NEGR1: variants seen among roughly 807,000 people sequenced by gnomAD.
NEGR1 encodes IgLON family member 4.
In NEGR1, 10 loss-of-function variants were observed where a neutral mutation model predicts 40.9. The ratio of observed to expected loss-of-function variants is 0.24; its 90% CI spans 0.15 to 0.42. The LOEUF (loss-of-function observed/expected upper bound fraction) is 0.42, where lower values mean the gene tolerates loss of function less well. Among genes scored for constraint, NEGR1 ranks in the 10% least tolerant of loss-of-function variants. The probability of loss-of-function intolerance (pLI) is 1.00; values close to 1 mark genes in which losing one functional copy is unlikely to be tolerated. For synonymous variants in NEGR1, 185 were observed against 166.8 expected (o/e 1.11, Z -0.84); for missense variants, 352 against 438.9 (o/e 0.80, Z 1.77).
chr1:71,874,659 G>A (rs968136769), intron 2 of NEGR1, among the ~76,000 whole-genome samples: 4 of 152,156 alleles, frequency 2.6e-5, no homozygotes, highest in Non-Finnish European at 4.4e-5. Flanking sequence ...TTTCACTGAA[G>A]TGGGTTGAAG....
At chr1:71,409,837 C>T (rs563164804) in intron 6 of NEGR1, among the ~76,000 whole-genome samples, 1 of 152,062 alleles carries the variant, frequency 6.6e-6, no homozygotes, top group East Asian at 1.9e-4. Context: ...AAAATGGAAT[C>T]TTTTCTGAAG....
At chr1:72,168,830 G>T (rs997096747) in intron 1 of NEGR1, among the ~76,000 whole-genome samples, 7 of 152,134 alleles carry the variant, frequency 4.6e-5, no homozygotes, top group Admixed American at 3.9e-4. Flanking sequence ...AGTTCAAGAG[G>T]CAGAGGCTGC....
intron 6 of NEGR1, among the ~76,000 whole-genome samples, chr1:71,464,041 G>A (rs1385839552): frequency 6.6e-6 from 1 of 152,126 alleles, no homozygotes; most frequent in African/African-American, 2.4e-5. Context: ...GGATGCTGCT[G>A]TTACTTTAAT....
chr1:71,883,306 A>T (rs1660630404), intron 2 of NEGR1, among the ~76,000 whole-genome samples: 1 of 152,146 alleles, frequency 6.6e-6, no homozygotes, highest in Non-Finnish European at 1.5e-5. Context: ...TTTCCTCTAG[A>T]TTGAAATACC....
At chr1:72,190,084 A>G (rs1652764937) in intron 1 of NEGR1, among the ~76,000 whole-genome samples, 1 of 151,576 alleles carries the variant, frequency 6.6e-6, no homozygotes, top group Non-Finnish European at 1.5e-5. Flanking sequence ...AACAGGGAAA[A>G]ATATTGGCAT....
chr1:71,915,065 C>T (rs562678787), intron 2 of NEGR1, among the ~76,000 whole-genome samples: 2 of 152,126 alleles, frequency 1.3e-5, no homozygotes, highest in South Asian at 4.1e-4. Context: ...CAATTAGTCT[C>T]TCATTACGAC....
At chr1:72,022,492 A>G (rs2100422837) in intron 1 of NEGR1, among the ~76,000 whole-genome samples, 1 of 149,746 alleles carries the variant, frequency 6.7e-6, no homozygotes, top group South Asian at 2.1e-4. Context: ...TAAACCAATA[A>G]ACAGATAGAT....
intron 1 of NEGR1, among the ~76,000 whole-genome samples, chr1:72,249,156 A>G (rs1655003296): frequency 6.6e-6 from 1 of 151,650 alleles, no homozygotes; most frequent in South Asian, 2.1e-4. Context: ...TATAAAAAAA[A>G]GGCCCATGAG....
chr1:72,154,479 T>C (rs947976061), intron 1 of NEGR1, among the ~76,000 whole-genome samples: 2 of 151,964 alleles, frequency 1.3e-5, no homozygotes, highest in Non-Finnish European at 2.9e-5. Flanking sequence ...CATAAATTTC[T>C]AGAGCAAAAG....
intron 1 of NEGR1, among the ~76,000 whole-genome samples, chr1:72,061,461 T>A (rs1469588416): frequency 6.6e-6 from 1 of 151,820 alleles, no homozygotes; most frequent in South Asian, 2.1e-4. Context: ...CATTTTCTGA[T>A]ACATAGTATC....
rs1382851570 is a variant in NEGR1 at position 71,406,015 on chromosome 1, T to A, written c.*1431A>T. The A allele has an allele frequency of 6.6e-6, 1 of 152,300 alleles. No homozygotes were observed. The highest frequency in any genetic ancestry group is 1.5e-5 in the Non-Finnish European group (1 of 67,852). 9.4% of individuals were successfully genotyped at this position (152,300 alleles called of 1,614,324 possible). A position where few individuals can be genotyped will look rare whatever the true frequency, so the allele number is the denominator to read the frequency against. ...CTTTATAGTAGAAATAATTTAACATTCACAATAATTTGATAATTACTTATC... is the reference window on the plus strand; with the variant it reads ...CTTTATAGTAGAAATAATTTAACATACACAATAATTTGATAATTACTTATC... On this transcript the variant is annotated 3_prime_UTR_variant, in exon 7 of 7. Transcript: ENST00000357731.
rs1454911727 is a variant in NEGR1 at position 72,027,857 on chromosome 1, AG to A, written c.177-92547del. Among the ~76,000 whole-genome samples, 5 of 152,356 alleles carry A rather than the reference AG, an allele frequency of 3.3e-5. No homozygotes were observed. The East Asian group carries it at 9.7e-4, about 29-fold the overall frequency. On this transcript the variant is annotated intron_variant, in intron 1 of 6. Coordinates refer to ENST00000357731, the MANE Select transcript of NEGR1 (RefSeq NM_173808.3). ...GTGCCTGTCATAATTGCAGAAACTC[AG>A]GTCAACCTCATATTTAGTGTACAAA...
At chr1:71,999,429 A>T (rs1291158559) in intron 1 of NEGR1, among the ~76,000 whole-genome samples, 1 of 151,234 alleles carries the variant, frequency 6.6e-6, no homozygotes, top group Admixed American at 6.6e-5. Flanking sequence ...GACAAATACC[A>T]GAAGTTTTAA....
intron 1 of NEGR1, among the ~76,000 whole-genome samples, chr1:72,243,818 C>A (rs1654822371): frequency 1.3e-5 from 2 of 151,854 alleles, no homozygotes; most frequent in South Asian, 2.1e-4. Flanking sequence ...TATGACACTT[C>A]AAATTATTTC....
intron 6 of NEGR1, among the ~76,000 whole-genome samples, chr1:71,526,221 C>T (rs1366819784): frequency 2.6e-5 from 4 of 151,448 alleles, no homozygotes; most frequent in African/African-American, 9.7e-5. Context: ...GAAATATATT[C>T]TGAGCTGTCT....
chr1:71,583,544 G>A (rs373174295), intron 6 of NEGR1, among the ~76,000 whole-genome samples: 1 of 152,150 alleles, frequency 6.6e-6, no homozygotes, highest in East Asian at 1.9e-4. Flanking sequence ...ACTTATGCAA[G>A]TCTTCCTAAA....
chr1:72,044,065 A>C (rs1646979644), intron 1 of NEGR1, among the ~76,000 whole-genome samples: 1 of 151,806 alleles, frequency 6.6e-6, no homozygotes, highest in South Asian at 2.1e-4. Flanking sequence ...AGACCCCCCC[A>C]TACCAATCTG....
At chr1:72,156,089 G>A (rs1329821717) in intron 1 of NEGR1, among the ~76,000 whole-genome samples, 3 of 151,636 alleles carry the variant, frequency 2.0e-5, no homozygotes, top group African/African-American at 7.3e-5. Flanking sequence ...CTTACAAGAA[G>A]TTAACATGAT....
At chr1:72,062,374 G>C (rs75830162) in intron 1 of NEGR1, among the ~76,000 whole-genome samples, 1 of 151,660 alleles carries the variant, frequency 6.6e-6, no homozygotes, top group Non-Finnish European at 1.5e-5. Flanking sequence ...CTTTTATAAG[G>C]GTGCCTACCA....
Sources: gnomAD v4.1 joint callset for allele counts (sites outside exome capture counted in the v4.1 genomes callset) on GRCh38, gnomAD v4.1.1 for gene constraint, MANE v1.5 for transcripts, NCBI Gene and HGNC (gene_info 2026-07-23, HGNC 2026-07-21) for gene names.